CHMP4C: variants seen among roughly 807,000 people sequenced by gnomAD.
CHMP4C encodes SNF7 homolog associated with Alix 3.
Under a neutral mutation model 29.0 loss-of-function variants are expected in CHMP4C, and 28 were observed. That is an observed-to-expected ratio of 0.97 (90% CI 0.72 to 1.32). The LOEUF is 1.32. Among genes scored for constraint, CHMP4C ranks in the 40% most tolerant of loss-of-function variants. The probability of loss-of-function intolerance (pLI) is 0.00; values close to 1 mark genes in which losing one functional copy is unlikely to be tolerated. For missense variants in CHMP4C, 291 were observed against 281.0 expected, an observed-to-expected ratio of 1.04 and a Z score of -0.25; for synonymous variants, 106 against 102.4, an observed-to-expected ratio of 1.04 and a Z score of -0.21.
chr8:81,740,377 A>C (rs1222980148), intron 1 of CHMP4C, among the ~76,000 whole-genome samples: 1 of 152,234 alleles, frequency 6.6e-6, no homozygotes, highest in Non-Finnish European at 1.5e-5. Context: ...AGATCCTCGC[A>C]TGCTCAGTTC....
intron 1 of CHMP4C, 47 bp from the exon 2 acceptor site, chr8:81,753,017 A>G (rs749346362): frequency 1.3e-6 from 2 of 1,499,442 alleles, no homozygotes; most frequent in Non-Finnish European, 9.0e-7. Context: ...CTCTTGATTT[A>G]GTGTCTCTTT....
At chr8:81,739,565 T>G (rs535582439) in intron 1 of CHMP4C, among the ~76,000 whole-genome samples, 1 of 152,272 alleles carries the variant, frequency 6.6e-6, no homozygotes, top group East Asian at 1.9e-4. Context: ...TCATCCCTAA[T>G]TTCCCTCCCT....
intron 1 of CHMP4C, among the ~76,000 whole-genome samples, chr8:81,745,600 G>A (rs931566835): frequency 9.9e-5 from 15 of 152,158 alleles, no homozygotes; most frequent in African/African-American, 3.4e-4. Context: ...GAGTTGCATA[G>A]GAATAGTTAA....
chr8:81,753,334 T>A, intron 2 of CHMP4C, 93 bp downstream of exon 2: 4 of 914,820 alleles, frequency 4.4e-6, no homozygotes, highest in Non-Finnish European at 6.2e-6. Context: ...GGAATGGGTT[T>A]ACTCATTTGA....
In CHMP4C at chr8:81,758,682, TA is replaced by T. The variant is rs1204646377; in HGVS notation, c.*142del. 2 of 667,950 alleles carry T rather than the reference TA, an allele frequency of 3.0e-6. No individual in the cohort carries two copies. The highest frequency in any genetic ancestry group is 3.6e-5 in the African/African-American group (2 of 54,840). 41.4% of individuals were successfully genotyped at this position (667,950 alleles called of 1,614,324 possible). Reference sequence around the variant, plus strand: ...ATAATTGTGTTTTAAGCCTCCTAAGTAAAAGTAAAAAAGGAGTCATGTGCAT... The same window carrying T: ...ATAATTGTGTTTTAAGCCTCCTAAGTAAAGTAAAAAAGGAGTCATGTGCAT... On this transcript the variant is annotated 3_prime_UTR_variant, in exon 5 of 5. Transcript: ENST00000297265.
At chr8:81,752,393 A>G (rs930105799) in intron 1 of CHMP4C, among the ~76,000 whole-genome samples, 12 of 152,102 alleles carry the variant, frequency 7.9e-5, no homozygotes, top group African/African-American at 2.4e-4. Flanking sequence ...TTATCTTGTT[A>G]AAATGTTAAT....
intron 2 of CHMP4C, among the ~76,000 whole-genome samples, chr8:81,754,308 T>G (rs1427391629): frequency 6.6e-6 from 1 of 152,134 alleles, no homozygotes; most frequent in Non-Finnish European, 1.5e-5. Flanking sequence ...TTGTATTACA[T>G]TTGAGAAAAA....
At chr8:81,754,917 G>T (rs1808951073) in intron 2 of CHMP4C, among the ~76,000 whole-genome samples, 1 of 152,078 alleles carries the variant, frequency 6.6e-6, no homozygotes, top group Non-Finnish European at 1.5e-5. Flanking sequence ...ACAAAAAATA[G>T]ATCTCTAGAC....
At chr8:81,757,246 G>A (rs1286559972) in intron 3 of CHMP4C, among the ~76,000 whole-genome samples, 1 of 152,112 alleles carries the variant, frequency 6.6e-6, no homozygotes, top group African/African-American at 2.4e-5. Context: ...AGTGCTCAAT[G>A]AATTTGTTGA....
chr8:81,758,684 A>C lies in CHMP4C; in HGVS notation c.*140A>C. ...AATTGTGTTTTAAGCCTCCTAAGTA[A>C]AAGTAAAAAAGGAGTCATGTGCATA... On this transcript the variant is annotated 3_prime_UTR_variant, in exon 5 of 5. Coordinates refer to ENST00000297265, the MANE Select transcript of CHMP4C (RefSeq NM_152284.4). 1.5e-6 allele frequency: 1 copy of C among 653,888 alleles called. No individual in the cohort carries two copies. The highest frequency in any genetic ancestry group is 2.7e-6 in the Non-Finnish European group (1 of 376,998). The allele number at this position is 653,888 out of a possible 1,614,324, so 40.5% of individuals were successfully genotyped here. A position where few individuals can be genotyped will look rare whatever the true frequency, so the allele number is the denominator to read the frequency against.
intron 2 of CHMP4C, among the ~76,000 whole-genome samples, chr8:81,754,648 T>A (rs1439196848): frequency 6.6e-6 from 1 of 152,098 alleles, no homozygotes; most frequent in East Asian, 1.9e-4. Context: ...TAAGCTACTA[T>A]AGAAACATAC....
intron 1 of CHMP4C, among the ~76,000 whole-genome samples, chr8:81,747,984 G>C (rs1808848138): frequency 6.6e-6 from 1 of 152,096 alleles, no homozygotes; most frequent in South Asian, 2.1e-4. Context: ...TGGGAGACCG[G>C]AGTCTATCTC....
At chr8:81,742,277 G>A (rs1808770369) in intron 1 of CHMP4C, among the ~76,000 whole-genome samples, 1 of 152,030 alleles carries the variant, frequency 6.6e-6, no homozygotes, top group Non-Finnish European at 1.5e-5. Context: ...ATCACTACTT[G>A]CAAAACAAAC....
chr8:81,756,528 C>G (rs1244632582), intron 3 of CHMP4C, among the ~76,000 whole-genome samples: 1 of 152,040 alleles, frequency 6.6e-6, no homozygotes, highest in Non-Finnish European at 1.5e-5. Context: ...TTGTGTAAGT[C>G]TCTTTTACTT....
intron 1 of CHMP4C, among the ~76,000 whole-genome samples, chr8:81,745,767 C>CAGTTT (rs1808815833): frequency 1.3e-5 from 2 of 152,166 alleles, no homozygotes; most frequent in Admixed American, 6.5e-5. Flanking sequence ...GGAGACAAAA[C>CAGTTT]CCCTGGCTGT....
chr8:81,733,058 A>G (rs961834935), intron 1 of CHMP4C, among the ~76,000 whole-genome samples: 5 of 152,218 alleles, frequency 3.3e-5, no homozygotes, highest in Non-Finnish European at 7.3e-5. Context: ...ACTTTAATGC[A>G]ATACCTAAAG....
intron 1 of CHMP4C, among the ~76,000 whole-genome samples, chr8:81,735,378 A>G (rs1227125616): frequency 6.6e-6 from 1 of 152,196 alleles, no homozygotes; most frequent in Non-Finnish European, 1.5e-5. Context: ...AACACGCTCA[A>G]TATCAGAACC....
intron 1 of CHMP4C, among the ~76,000 whole-genome samples, chr8:81,738,358 C>T (rs1808720133): frequency 6.6e-6 from 1 of 152,180 alleles, no homozygotes; most frequent in African/African-American, 2.4e-5. Flanking sequence ...CATCAGGTGT[C>T]TGTTTGGAGA....
chr8:81,732,780 G>T lies in CHMP4C; in HGVS notation c.154G>T (p.Ala52Ser). ...YLENRIQREI[A>S]LAKKHGTQNK... The stretch of plus-strand genomic sequence containing the variant: ...GGAAAATCGAATCCAGAGAGAAATC[G>T]CCCTGGCCAAGAAGCACGGCACGCA... Residue 52 changes from alanine (A) to serine (S), a missense_variant, in exon 1 of 5, where the codon GCC becomes TCC. By Grantham distance (99) the Ala-to-Ser change is moderately conservative. Transcript: ENST00000297265. 3 of 1,612,288 alleles carry T rather than the reference G, an allele frequency of 1.9e-6. No homozygotes were observed. Among genetic ancestry groups the T allele is most frequent in the South Asian group, 1.1e-5 (1 of 90,508 alleles).
Sources: gnomAD v4.1 joint callset for allele counts (sites outside exome capture counted in the v4.1 genomes callset) on GRCh38, gnomAD v4.1.1 for gene constraint, MANE v1.5 for transcripts, NCBI Gene and HGNC (gene_info 2026-07-23, HGNC 2026-07-21) for gene names.